The following MUS81 variants were observed in gnomAD, a reference collection of about 807,000 sequenced individuals.
The protein encoded by MUS81 is structure-specific endonuclease subunit MUS81.
Under a neutral mutation model 74.2 loss-of-function variants are expected in MUS81, and 69 were observed. The observed-to-expected ratio is 0.93, with a 90% CI of 0.77 to 1.14. The LOEUF (loss-of-function observed/expected upper bound fraction) is 1.14, where lower values mean the gene tolerates loss of function less well. MUS81 is among the 50% of genes most tolerant of loss of function. MUS81 has a pLI of 0.00. For synonymous variants in MUS81, 303 were observed against 300.6 expected, an observed-to-expected ratio of 1.01 and a Z score of -0.08; for missense variants, 711 against 726.5, an observed-to-expected ratio of 0.98 and a Z score of 0.25.
intron 10 of MUS81, 58 bp from the exon 11 acceptor site, chr11:65,864,439 G>A (rs1036522080): frequency 6.9e-7 from 1 of 1,452,722 alleles, no homozygotes; most frequent in South Asian, 1.1e-5. Context: ...CATCATGGAT[G>A]CCCAGGCATG....
chr11:65,865,563 C>T (rs549982864), intron 14 of MUS81: 9 of 623,592 alleles, frequency 1.4e-5, no homozygotes, highest in Non-Finnish European at 2.5e-5. Flanking sequence ...GAAGAGGCTT[C>T]CTGGAGAAGG....
rs373952217 is a variant in MUS81 at position 65,861,565 on chromosome 11, C to T, written c.351+130C>T. 8.7e-6 allele frequency: 6 copies of T among 689,352 alleles called. No individual in the cohort carries two copies. In the Admixed American group the frequency reaches 1.1e-4, roughly 13 times the overall value. The allele number at this position is 689,352 out of a possible 1,614,324, so 42.7% of individuals were successfully genotyped here. ...CCTGGCCTTGAGCAAATGACTTATCCTCTTTTCGACTTAGTATTTTAACCT... is the reference window on the plus strand; with the variant it reads ...CCTGGCCTTGAGCAAATGACTTATCTTCTTTTCGACTTAGTATTTTAACCT... On this transcript the variant is annotated intron_variant, in intron 3 of 15. Coordinates refer to ENST00000308110, the MANE Select transcript of MUS81 (RefSeq NM_025128.5).
Position 65,865,642 on chromosome 11 carries a change from CA to C in MUS81, c.1506-168del. Reference sequence around the variant, plus strand: ...TGCTGGTTTTGCCCCAGAGTTCCCACAGGGAGGGAGGACAGCCCGGCTGGCA... The same window carrying C: ...TGCTGGTTTTGCCCCAGAGTTCCCACGGGAGGGAGGACAGCCCGGCTGGCA... On this transcript the variant is annotated intron_variant, in intron 14 of 15. Transcript: ENST00000308110. 8.3e-6 allele frequency: 6 copies of C among 723,474 alleles called. No homozygotes were observed. The Admixed American group carries it at 1.4e-4, about 17-fold the overall frequency. The allele number at this position is 723,474 out of a possible 1,614,324, so 44.8% of individuals were successfully genotyped here.
chr11:65,866,642 T>C, downstream of MUS81: 1 of 703,118 alleles, frequency 1.4e-6, no homozygotes, highest in South Asian at 1.5e-5. Flanking sequence ...CCTCGTTACC[T>C]CCTCTCCTCT....
downstream of MUS81, chr11:65,866,612 C>T (rs774541173): frequency 2.6e-5 from 18 of 702,760 alleles, no homozygotes; most frequent in Non-Finnish European, 3.1e-5. Context: ...ATCTCTGGGC[C>T]GGGGCCTGGA....
At chr11:65,866,851 C>T (rs1317201933), downstream of MUS81, 29 of 1,589,786 alleles carry the variant, frequency 1.8e-5, no homozygotes, top group East Asian at 2.2e-5. Context: ...TTGCCTTTCT[C>T]ATTCTGCCCC....
chr11:65,867,351 T>C, downstream of MUS81: 1 of 545,712 alleles, frequency 1.8e-6, no homozygotes, highest in Admixed American at 3.1e-5. Context: ...AGGCCACATG[T>C]GGCTCTTGGG....
In MUS81 at chr11:65,865,049, C is replaced by T. The variant is rs774188875; in HGVS notation, c.1305C>T (p.Thr435=). ...CCCTACGCAGCCGCCCCTGGGGAAC[C>T]CCTGGGAACCCTGAATCAGGGGCCA... The part of the protein sequence containing the change: ...GHTLRSRPWG[T]PGNPESGAMT... The change falls in exon 13 of 16, where the codon ACC becomes ACT. Residue 435 remains threonine, a synonymous_variant. Transcript: ENST00000308110. 1 of 1,613,876 alleles carries T rather than the reference C, an allele frequency of 6.2e-7. No homozygotes were observed. The highest frequency in any genetic ancestry group is 1.7e-5 in the Admixed American group (1 of 60,006).
At chr11:65,859,945 A>G (rs754792956), upstream of MUS81, 33 of 208,448 alleles carry the variant, frequency 1.6e-4, no homozygotes, top group Middle Eastern at 2.3e-3. Flanking sequence ...TGCCCATCTC[A>G]GGCCTCCCCA....
rs777879884 is a variant in MUS81 at position 65,860,952 on chromosome 11, A to G, written c.136-21A>G. 5 of 1,610,546 alleles carry G rather than the reference A, an allele frequency of 3.1e-6. No individual in the cohort carries two copies. In the East Asian group the frequency reaches 1.1e-4, roughly 36 times the overall value. Reference sequence around the variant, plus strand: ...CAGGTCAGGCCTGCCCTGACCAGGTACCCTACCCCTGCCCGGCCAGGCGCT... The same window carrying G: ...CAGGTCAGGCCTGCCCTGACCAGGTGCCCTACCCCTGCCCGGCCAGGCGCT... On this transcript the variant is annotated intron_variant, in intron 1 of 15. Coordinates refer to ENST00000308110, the MANE Select transcript of MUS81 (RefSeq NM_025128.5).
At position 65,863,610 on chromosome 11, in the gene MUS81, A is replaced by C; in HGVS notation, c.850A>C (p.Arg284=). 5 of 1,613,934 alleles carry C rather than the reference A, an allele frequency of 3.1e-6. No individual in the cohort carries two copies. Among genetic ancestry groups the C allele is most frequent in the Non-Finnish European group, 4.2e-6 (5 of 1,179,938 alleles). Residue 284 remains arginine (R), a synonymous_variant, in exon 9 of 16, where the codon AGG becomes CGG. Transcript: ENST00000308110. Reference sequence around the variant, plus strand: ...TCCTTGCCACTCCAGGGGCGGGCACAGGCCGGAGCTGCTCCGAGAGCTACA... The same window carrying C: ...TCCTTGCCACTCCAGGGGCGGGCACCGGCCGGAGCTGCTCCGAGAGCTACA... ...DIGETRGGGH[R]PELLRELQRL...
intron 4 of MUS81, 42 bp downstream of exon 4, chr11:65,862,087 G>A (rs1464591403): frequency 1.3e-6 from 2 of 1,597,136 alleles, no homozygotes; most frequent in Admixed American, 1.7e-5. Context: ...CATGGCAGTG[G>A]GGTGGGAGGT....
At chr11:65,864,958 G>A in intron 12 of MUS81, 59 bp from the exon 13 acceptor site, 2 of 1,604,130 alleles carry the variant, frequency 1.2e-6, no homozygotes, top group Non-Finnish European at 8.5e-7. Flanking sequence ...GACTGGGCAG[G>A]GGCTGGCTGG....
rs750852804 is a variant in MUS81, at chr11:65,865,267, C to A, written c.1449C>A (p.Arg483=). The change falls in exon 14 of 16, where the codon CGC becomes CGA. Residue 483 remains arginine (R), a synonymous_variant. Coordinates refer to ENST00000308110, the MANE Select transcript of MUS81 (RefSeq NM_025128.5). Reference sequence around the variant, plus strand: ...TTGCCCGGCAGCTGATGCAGGTGCGCGGAGTGAGTGGGGAGAAGGCAGCAG... The same window carrying A: ...TTGCCCGGCAGCTGATGCAGGTGCGAGGAGTGAGTGGGGAGAAGGCAGCAG... ...EVFARQLMQV[R]GVSGEKAAAL... The A allele has an allele frequency of 1.2e-6, 2 of 1,614,018 alleles. No homozygotes were observed. The highest frequency in any genetic ancestry group is 1.3e-5 in the African/African-American group (1 of 74,906).
intron 10 of MUS81, 55 bp downstream of exon 10, chr11:65,863,956 G>A: frequency 6.3e-7 from 1 of 1,576,304 alleles, no homozygotes; most frequent in South Asian, 1.1e-5. Context: ...CCCGTTTTCA[G>A]CCCAGAGCAA....
chr11:65,864,447 A>C lies in MUS81; in HGVS notation c.1060-50A>C, dbSNP rs898031999. 2.0e-6 allele frequency: 3 copies of C among 1,480,714 alleles called. No homozygotes were observed. The African/African-American group carries it at 4.1e-5, about 20-fold the overall frequency. 91.7% of individuals were successfully genotyped at this position (1,480,714 alleles called of 1,614,324 possible). ...AGTGTGACATCATGGATGCCCAGGC[A>C]TGTGGTCATCCAGCCTGACCCTCCC... On this transcript the variant is annotated intron_variant, in intron 10 of 15. Transcript: ENST00000308110.
chr11:65,861,549 G>A, intron 3 of MUS81, 114 bp downstream of exon 3: 2 of 807,026 alleles, frequency 2.5e-6, no homozygotes, highest in East Asian at 2.7e-5. Flanking sequence ...GCCTGGCCTT[G>A]AGCAAATGAC....
intron 3 of MUS81, 140 bp from the exon 4 acceptor site, chr11:65,861,807 A>T (rs1185999298): frequency 1.3e-5 from 9 of 699,298 alleles, no homozygotes; most frequent in Non-Finnish European, 2.2e-5. Flanking sequence ...GCAGCGGATC[A>T]TCCCATCACC....
chr11:65,859,708 A>G (rs1859506871), upstream of MUS81, among the ~76,000 whole-genome samples: 1 of 152,224 alleles, frequency 6.6e-6, no homozygotes, highest in Non-Finnish European at 1.5e-5. Flanking sequence ...CATAGCAGCT[A>G]GAGGCCGGGT....
Sources: allele counts gnomAD v4.1 joint callset (sites outside exome capture counted in the v4.1 genomes callset), GRCh38; gene constraint gnomAD v4.1.1; transcripts MANE v1.5; gene names NCBI Gene and HGNC (gene_info 2026-07-23, HGNC 2026-07-21).